NEMP2: variants seen among roughly 807,000 people sequenced by gnomAD.
NEMP2 encodes the protein UPF0571 transmembrane protein.
In NEMP2, 53 loss-of-function variants were observed where a neutral mutation model predicts 54.2. That is an observed-to-expected ratio of 0.98 (90% CI 0.78 to 1.23). The LOEUF (loss-of-function observed/expected upper bound fraction) is 1.23. Among genes scored for constraint, NEMP2 ranks in the 50% most tolerant of loss-of-function variants. NEMP2 has a pLI of 0.00. For missense variants in NEMP2, 455 were observed against 511.3 expected (o/e 0.89, Z 1.06); for synonymous variants, 197 against 190.3 (o/e 1.04, Z -0.29).
At chr2:190,492,258 C>T in the NEMP2 span, among the ~76,000 whole-genome samples, 132 of 152,234 alleles carry the variant, frequency 8.7e-4, 1 homozygote, top group African/African-American at 2.8e-3. The surrounding 1 kb of genome is among the most constrained non-coding windows in gnomAD (Gnocchi z 5.2). Context: ...GGAAAACTTG[C>T]TAGAGACCTA....
chr2:190,483,019 G>A, the NEMP2 span, among the ~76,000 whole-genome samples: 2 of 150,920 alleles, frequency 1.3e-5, no homozygotes, highest in African/African-American at 2.4e-5. Flanking sequence ...AGCCTCCCGA[G>A]TAGCTGGGAC....
the NEMP2 span, among the ~76,000 whole-genome samples, chr2:190,433,139 T>C: frequency 3.9e-5 from 6 of 152,198 alleles, no homozygotes; most frequent in Admixed American, 2.0e-4. This position sits in a 1 kb window ranked among gnomAD's most constrained non-coding sequence, Gnocchi z 4.5. Context: ...GGTGTGTGTG[T>C]GTTTATTGTC....
chr2:190,625,391 T>C, the NEMP2 span: 5 of 152,208 alleles, frequency 3.3e-5, no homozygotes, highest in East Asian at 1.9e-4. Context: ...AGTAGATTAA[T>C]GGTTTCCAGG....
At chr2:190,558,108 T>C in the NEMP2 span, among the ~76,000 whole-genome samples, 3 of 152,158 alleles carry the variant, frequency 2.0e-5, no homozygotes, top group Non-Finnish European at 4.4e-5. This position sits in a 1 kb window ranked among gnomAD's most constrained non-coding sequence, Gnocchi z 4.4. Flanking sequence ...ATAAAGAAAA[T>C]GTGGCACATA....
chr2:190,538,620 A>C (rs1442922149), upstream of NEMP2, among the ~76,000 whole-genome samples: 1 of 146,960 alleles, frequency 6.8e-6, no homozygotes, highest in Non-Finnish European at 1.5e-5. This position sits in a 1 kb window ranked among gnomAD's most constrained non-coding sequence, Gnocchi z 4.1. Flanking sequence ...CATCCTTACC[A>C]GCATATGTTA....
In NEMP2 at chr2:190,517,555, AG is replaced by A; in HGVS notation, c.576del (p.Phe193LeufsTer6). ...AATCTTTTCACCAACAGCAAGACAAAGACTAATGTCATTAGAACACCTAGCA... is the reference window on the plus strand; with the variant it reads ...AATCTTTTCACCAACAGCAAGACAAAACTAATGTCATTAGAACACCTAGCA... ...GTVLGVLMTL[V>X]FVLLLVKRFI... On this transcript the variant is annotated frameshift_variant, in exon 5 of 9. Transcript: ENST00000409150. LOFTEE classifies it high-confidence loss of function. 1 of 1,550,714 alleles carries A rather than the reference AG, an allele frequency of 6.4e-7. No individual in the cohort carries two copies. The highest frequency in any genetic ancestry group is 8.7e-7 in the Non-Finnish European group (1 of 1,146,596).
rs1262866165 is a variant in NEMP2, at chr2:190,514,697, T to A, written c.728-19A>T. ...ACATAGCCTGGAAAAGTGGAAGAGG[T>A]AAAATAATATAAATTTGAATTTGAG... On this transcript the variant is annotated intron_variant, in intron 6 of 8. Coordinates refer to ENST00000409150, the MANE Select transcript of NEMP2 (RefSeq NM_001142645.2). The surrounding 1 kb of genome is among the most constrained non-coding windows in gnomAD (Gnocchi z 5.7). 6.5e-7 allele frequency: 1 copy of A among 1,541,412 alleles called. No homozygotes were observed. Among genetic ancestry groups the A allele is most frequent in the African/African-American group, 1.4e-5 (1 of 72,808 alleles).
chr2:190,456,473 C>T, the NEMP2 span, among the ~76,000 whole-genome samples: 7 of 152,116 alleles, frequency 4.6e-5, no homozygotes, highest in Non-Finnish European at 1.0e-4. The surrounding 1 kb of genome is among the most constrained non-coding windows in gnomAD (Gnocchi z 5.4). Context: ...TGGAAAAGAT[C>T]GGGGCTCCTT....
chr2:190,495,926 C>T, the NEMP2 span, among the ~76,000 whole-genome samples: 2 of 152,226 alleles, frequency 1.3e-5, no homozygotes, highest in South Asian at 4.2e-4. The surrounding 1 kb of genome is among the most constrained non-coding windows in gnomAD (Gnocchi z 4.7). Flanking sequence ...TAGACATTGG[C>T]TTAGGCAGAG....
At chr2:190,634,126 T>C in the NEMP2 span, among the ~76,000 whole-genome samples, 1 of 152,158 alleles carries the variant, frequency 6.6e-6, no homozygotes, top group Non-Finnish European at 1.5e-5. The surrounding 1 kb of genome is among the most constrained non-coding windows in gnomAD (Gnocchi z 6.8). Flanking sequence ...TATTTACTAT[T>C]TCAAACTTTT....
the NEMP2 span, among the ~76,000 whole-genome samples, chr2:190,580,761 T>A: frequency 6.6e-6 from 1 of 152,138 alleles, no homozygotes; most frequent in East Asian, 1.9e-4. The surrounding 1 kb of genome is among the most constrained non-coding windows in gnomAD (Gnocchi z 5.3). Flanking sequence ...CAGACTGACA[T>A]TACCCAGGAT....
the NEMP2 span, among the ~76,000 whole-genome samples, chr2:190,429,242 G>T: frequency 2.6e-5 from 4 of 151,306 alleles, no homozygotes; most frequent in Admixed American, 6.6e-5. Flanking sequence ...GTGTGTGTGT[G>T]TGTGTGTATA....
At chr2:190,440,404 C>T in the NEMP2 span, among the ~76,000 whole-genome samples, 1 of 152,062 alleles carries the variant, frequency 6.6e-6, no homozygotes, top group Non-Finnish European at 1.5e-5. Context: ...GATAATAATG[C>T]TAAATATTTC....
the NEMP2 span, among the ~76,000 whole-genome samples, chr2:190,597,575 G>T: frequency 6.6e-6 from 1 of 152,134 alleles, no homozygotes; most frequent in African/African-American, 2.4e-5. This position sits in a 1 kb window ranked among gnomAD's most constrained non-coding sequence, Gnocchi z 4.7. Context: ...AAGAATGTCC[G>T]TGTAGCAATC....
chr2:190,584,717 A>T, the NEMP2 span, among the ~76,000 whole-genome samples: 8 of 152,030 alleles, frequency 5.3e-5, no homozygotes, highest in Non-Finnish European at 7.4e-5. This position sits in a 1 kb window ranked among gnomAD's most constrained non-coding sequence, Gnocchi z 4.2. Flanking sequence ...TGCAAAAAAA[A>T]TTTTAAAAAT....
rs1158428161 is a variant in NEMP2, at chr2:190,508,103, C to T, written c.*1086G>A. 1 of 152,050 alleles carries T rather than the reference C, an allele frequency of 6.6e-6. No homozygotes were observed. The highest frequency in any genetic ancestry group is 1.5e-5 in the Non-Finnish European group (1 of 68,018). The allele number at this position is 152,050 out of a possible 1,614,324, so 9.4% of individuals were successfully genotyped here. A position where few individuals can be genotyped will look rare whatever the true frequency, so the allele number is the denominator to read the frequency against. On this transcript the variant is annotated 3_prime_UTR_variant, in exon 9 of 9. Transcript: ENST00000409150. The surrounding 1 kb of genome is among the most constrained non-coding windows in gnomAD (Gnocchi z 4.3). ...TTTTATAAGAAATTGTTACAAACACCTATAGCTAAACAATTTTTTAAATGG... is the reference window on the plus strand; with the variant it reads ...TTTTATAAGAAATTGTTACAAACACTTATAGCTAAACAATTTTTTAAATGG...
At chr2:190,536,927 A>T (rs371280854), upstream of NEMP2, among the ~76,000 whole-genome samples, 132 of 152,338 alleles carry the variant, frequency 8.7e-4, no homozygotes, top group African/African-American at 3.0e-3. Flanking sequence ...TCTGGACATT[A>T]ATATTATTTA....
upstream of NEMP2, among the ~76,000 whole-genome samples, chr2:190,538,601 C>T (rs1691450472): frequency 6.6e-6 from 1 of 151,400 alleles, no homozygotes; most frequent in Non-Finnish European, 1.5e-5. The surrounding 1 kb of genome is among the most constrained non-coding windows in gnomAD (Gnocchi z 4.1). Flanking sequence ...AAGTATTCCC[C>T]TTTCTCCACA....
the NEMP2 span, among the ~76,000 whole-genome samples, chr2:190,456,565 G>A: frequency 1.3e-5 from 2 of 152,114 alleles, no homozygotes; most frequent in Non-Finnish European, 2.9e-5. The surrounding 1 kb of genome is among the most constrained non-coding windows in gnomAD (Gnocchi z 5.4). Flanking sequence ...CATGGCCTAA[G>A]CCCAAGAGGG....
Sources: allele counts gnomAD v4.1 joint callset (sites outside exome capture counted in the v4.1 genomes callset), GRCh38; gene constraint gnomAD v4.1.1; non-coding constraint Gnocchi (gnomAD v3.1); transcripts MANE v1.5; gene names NCBI Gene and HGNC (gene_info 2026-07-23, HGNC 2026-07-21).